Variants in AGR3 observed in about 807,000 individuals in gnomAD.
AGR3 encodes the protein anterior gradient 3, protein disulphide isomerase family member, also known as anterior gradient protein 3.
In AGR3, 37 loss-of-function variants were observed where a neutral mutation model predicts 24.5. The ratio of observed to expected loss-of-function variants is 1.51; its 90% confidence interval spans 1.16 to 1.99. The LOEUF is 1.99. Ranked by LOEUF, AGR3 falls within the 30% of genes most tolerant of loss-of-function variation. The pLI is 0.00. For missense variants in AGR3, 228 were observed against 191.1 expected (o/e 1.19, Z -1.14); for synonymous variants, 75 against 61.6 (o/e 1.22, Z -1.02).
At chr7:16,864,715 A>G (rs762511099) in intron 3 of AGR3, 19 of 1,515,442 alleles carry the variant, frequency 1.3e-5, no homozygotes, top group Non-Finnish European at 1.7e-5. Flanking sequence ...CTTTTTATGT[A>G]TTAGAAACCA....
chr7:16,874,098 T>C (rs1781940774), intron 2 of AGR3, among the ~76,000 whole-genome samples: 1 of 152,204 alleles, frequency 6.6e-6, no homozygotes, highest in Non-Finnish European at 1.5e-5. Context: ...ACTCAATACA[T>C]GTTGTTATGA....
chr7:16,855,409 CAGAAA>C (rs200982808), downstream of AGR3, among the ~76,000 whole-genome samples: 43,199 of 151,880 alleles, frequency 0.28, 6,385 homozygotes, highest in South Asian at 0.39. Flanking sequence ...GAATTCATTC[CAGAAA>C]AGTGAATTCA....
Position 16,864,387 on chromosome 7 carries a change from C to T in AGR3, c.174-1725G>A, listed in dbSNP as rs75934465. ...CACTATTCTGACTCAGAGGAAGAGA[C>T]CAGGTTTCCAGCTCTGTGTCCTGTG... On this transcript the variant is annotated intron_variant, in intron 3 of 7. Transcript: ENST00000310398. 2,165 of 1,299,748 alleles carry T rather than the reference C, an allele frequency of 1.7e-3. 26 individuals are homozygous for T. The African/African-American group carries it at 0.028, about 17-fold the overall frequency. The allele number at this position is 1,299,748 out of a possible 1,614,324, so 80.5% of individuals were successfully genotyped here. A position where few individuals can be genotyped will look rare whatever the true frequency, so the allele number is the denominator to read the frequency against.
chr7:16,867,775 C>G (rs1165787253), intron 3 of AGR3, among the ~76,000 whole-genome samples: 2 of 152,148 alleles, frequency 1.3e-5, no homozygotes, highest in Admixed American at 1.3e-4. Flanking sequence ...TTTCACTCAC[C>G]ATAATGTTCT....
chr7:16,861,334 C>T (rs763768184), intron 6 of AGR3, 50 bp downstream of exon 6: 11 of 1,377,660 alleles, frequency 8.0e-6, no homozygotes, highest in Admixed American at 7.0e-5. Context: ...AGCAAGAATG[C>T]TGATTTCTAC....
At chr7:16,869,656 T>C (rs1781827039) in intron 3 of AGR3, among the ~76,000 whole-genome samples, 1 of 149,628 alleles carries the variant, frequency 6.7e-6, no homozygotes, top group African/African-American at 2.5e-5. Context: ...GAGCCTATAG[T>C]TGGGGCTTGT....
intron 3 of AGR3, chr7:16,865,590 T>C (rs761709481): frequency 1.4e-5 from 10 of 723,770 alleles, no homozygotes; most frequent in Non-Finnish European, 2.1e-5. Context: ...TAGAACTTCA[T>C]GTAAAGTATG....
At chr7:16,865,111 A>C in intron 3 of AGR3, 1 of 742,380 alleles carries the variant, frequency 1.3e-6, no homozygotes, top group Admixed American at 2.1e-5. Context: ...ATTTTCCCCA[A>C]AGCTCGGAAG....
rs1004446961 is a variant in AGR3, at chr7:16,861,271, G to T, written c.367+113C>A. ...AACAAGAGCTGATATTATTGGATTA[G>T]AAATGACTTCTCTTTAAAAAGAATA... On this transcript the variant is annotated intron_variant, in intron 6 of 7. Transcript: ENST00000310398. The T allele has an allele frequency of 1.8e-5, 13 of 739,798 alleles. No individual in the cohort carries two copies. In the Admixed American group the frequency reaches 3.0e-4, roughly 17 times the overall value. 45.8% of individuals were successfully genotyped at this position (739,798 alleles called of 1,614,324 possible).
chr7:16,856,838 T>C (rs201002502), downstream of AGR3, among the ~76,000 whole-genome samples: 31 of 149,742 alleles, frequency 2.1e-4, no homozygotes, highest in Admixed American at 1.7e-3. Context: ...CCTATATGTA[T>C]ACACACACAC....
chr7:16,867,588 TACAACAG>T, intron 3 of AGR3, among the ~76,000 whole-genome samples: 1 of 152,342 alleles, frequency 6.6e-6, no homozygotes, highest in South Asian at 2.1e-4. Context: ...TCCCACAATG[TACAACAG>T]ATCTCTTCAA....
intron 5 of AGR3, 74 bp downstream of exon 5, chr7:16,861,910 A>G: frequency 4.4e-6 from 6 of 1,371,778 alleles, no homozygotes; most frequent in Non-Finnish European, 5.0e-6. Context: ...AAAAAAAAAA[A>G]AAAAAAAGAA....
At chr7:16,872,086 A>G (rs1342335544) in intron 3 of AGR3, among the ~76,000 whole-genome samples, 1 of 29,796 alleles carries the variant, frequency 3.4e-5, no homozygotes, top group African/African-American at 7.5e-5. Flanking sequence ...TATTTTTCAC[A>G]GAAACAGAAA....
chr7:16,865,076 T>A (rs1781729371), intron 3 of AGR3: 2 of 774,352 alleles, frequency 2.6e-6, no homozygotes, highest in East Asian at 2.4e-5. Flanking sequence ...CTGATTCTGT[T>A]AAAGATGCTC....
intron 6 of AGR3, 30 bp from the exon 7 acceptor site, chr7:16,860,613 T>C: frequency 6.7e-7 from 1 of 1,485,930 alleles, no homozygotes; most frequent in Non-Finnish European, 9.4e-7. Flanking sequence ...GTCACGAAAG[T>C]ATAATTTAGC....
intron 4 of AGR3, 43 bp from the exon 5 acceptor site, chr7:16,862,103 G>C (rs374680356): frequency 1.8e-4 from 256 of 1,437,300 alleles, no homozygotes; most frequent in South Asian, 1.7e-4. Flanking sequence ...TAAGGATCAA[G>C]AGACCTTTAA....
downstream of AGR3, among the ~76,000 whole-genome samples, chr7:16,856,140 G>A (rs781698292): frequency 1.3e-5 from 2 of 152,108 alleles, no homozygotes; most frequent in African/African-American, 4.8e-5. Context: ...GTGATATATC[G>A]TACCACTAGA....
chr7:16,863,016 G>A (rs1180190839), intron 3 of AGR3, among the ~76,000 whole-genome samples: 1 of 152,164 alleles, frequency 6.6e-6, no homozygotes, highest in Non-Finnish European at 1.5e-5. Flanking sequence ...GTTGCGGTGA[G>A]CCGAGATGGC....
chr7:16,861,924 A>T (rs1484013015), intron 5 of AGR3, 60 bp downstream of exon 5: 1 of 1,462,218 alleles, frequency 6.8e-7, no homozygotes, highest in African/African-American at 1.4e-5. Flanking sequence ...AAAAGAAAAA[A>T]ACGGATTCAA....
Sources: allele counts gnomAD v4.1 joint callset (sites outside exome capture counted in the v4.1 genomes callset), GRCh38; gene constraint gnomAD v4.1.1; transcripts MANE v1.5; gene names NCBI Gene and HGNC (gene_info 2026-07-23, HGNC 2026-07-21).